The following SEMA6D variants were observed in gnomAD, a reference collection of about 807,000 sequenced individuals.
The protein encoded by SEMA6D is semaphorin 6D.
In SEMA6D, 35 loss-of-function variants were observed where a neutral mutation model predicts 106.6. The ratio of observed to expected loss-of-function variants is 0.33; its 90% CI spans 0.25 to 0.44. The LOEUF is 0.44. Among genes scored for constraint, SEMA6D ranks in the 20% least tolerant of loss-of-function variants. The pLI, the probability that SEMA6D is intolerant of heterozygous loss-of-function variation, is 1.00. For missense variants in SEMA6D, 1,185 were observed against 1,345.9 expected, an observed-to-expected ratio of 0.88 and a Z score of 1.87; for synonymous variants, 499 against 487.7, an observed-to-expected ratio of 1.02 and a Z score of -0.31.
intron 4 of SEMA6D, among the ~76,000 whole-genome samples, chr15:47,619,222 C>A (rs1364808538): frequency 6.6e-6 from 1 of 152,224 alleles, no homozygotes; most frequent in Non-Finnish European, 1.5e-5. Flanking sequence ...TTCCTTTCCT[C>A]TCCTTTGGAG....
At chr15:47,463,627 C>A (rs1000819244) in intron 2 of SEMA6D, among the ~76,000 whole-genome samples, 2 of 152,142 alleles carry the variant, frequency 1.3e-5, no homozygotes, top group African/African-American at 4.8e-5. Context: ...AGGGAACACA[C>A]CTTAAAGTTG....
chr15:47,277,867 G>T (rs1477358475), intron 1 of SEMA6D, among the ~76,000 whole-genome samples: 5 of 149,314 alleles, frequency 3.3e-5, no homozygotes, highest in Non-Finnish European at 6.0e-5. Context: ...GAGGTGTTTG[G>T]TTTTTTGTTC....
At chr15:47,539,639 G>T (rs1309655143) in intron 3 of SEMA6D, among the ~76,000 whole-genome samples, 1 of 152,022 alleles carries the variant, frequency 6.6e-6, no homozygotes, top group East Asian at 1.9e-4. Flanking sequence ...TGGCCAGGAT[G>T]GTCTCGATCT....
chr15:47,450,609 G>A (rs1405738561), intron 2 of SEMA6D, among the ~76,000 whole-genome samples: 1 of 151,986 alleles, frequency 6.6e-6, no homozygotes, highest in Non-Finnish European at 1.5e-5. Context: ...TTTCTAGTGT[G>A]TGTGCTGGAT....
At chr15:47,192,842 T>C (rs757868045) in intron 1 of SEMA6D, among the ~76,000 whole-genome samples, 1 of 152,210 alleles carries the variant, frequency 6.6e-6, no homozygotes, top group Non-Finnish European at 1.5e-5. Context: ...GTCTACTGAA[T>C]AGAGACAATA....
chr15:47,638,484 G>A (rs1217025420), intron 4 of SEMA6D, among the ~76,000 whole-genome samples: 7 of 152,214 alleles, frequency 4.6e-5, no homozygotes, highest in East Asian at 3.9e-4. Context: ...CCTTAACAAC[G>A]TAACAAATGT....
chr15:47,476,586 T>C (rs2043006859), intron 3 of SEMA6D, among the ~76,000 whole-genome samples: 1 of 152,156 alleles, frequency 6.6e-6, no homozygotes, highest in Admixed American at 6.6e-5. Context: ...GCCTTCCTCA[T>C]GCTCTATCTC....
At chr15:47,392,911 G>A (rs1401358104) in intron 1 of SEMA6D, among the ~76,000 whole-genome samples, 4 of 152,142 alleles carry the variant, frequency 2.6e-5, no homozygotes, top group African/African-American at 9.7e-5. Flanking sequence ...TATGTCTCTA[G>A]AGAGAGACTC....
chr15:47,284,408 AGT>A (rs2035268407), intron 1 of SEMA6D, among the ~76,000 whole-genome samples: 2 of 152,150 alleles, frequency 1.3e-5, no homozygotes, highest in Non-Finnish European at 2.9e-5. Context: ...CACTAACATA[AGT>A]TTATTATGAT....
At chr15:47,350,341 G>T (rs2038270653) in intron 1 of SEMA6D, among the ~76,000 whole-genome samples, 2 of 152,158 alleles carry the variant, frequency 1.3e-5, no homozygotes, top group Non-Finnish European at 2.9e-5. Context: ...ATAAATGTTA[G>T]AAAGTTTAAT....
At chr15:47,671,584 G>A (rs2078138429) in intron 4 of SEMA6D, among the ~76,000 whole-genome samples, 1 of 152,086 alleles carries the variant, frequency 6.6e-6, no homozygotes, top group African/African-American at 2.4e-5. Flanking sequence ...AGCTTCAGTT[G>A]ATAAGGAATC....
intron 4 of SEMA6D, among the ~76,000 whole-genome samples, chr15:47,651,034 A>G (rs2077679563): frequency 6.6e-6 from 1 of 152,174 alleles, no homozygotes; most frequent in Non-Finnish European, 1.5e-5. Context: ...CATAATTTTC[A>G]GACAGAGCTT....
chr15:47,224,884 C>T (rs1347397242), intron 1 of SEMA6D, among the ~76,000 whole-genome samples: 2 of 151,848 alleles, frequency 1.3e-5, no homozygotes, highest in Non-Finnish European at 2.9e-5. Flanking sequence ...TGTTCCCTCT[C>T]CTTTCTTGCT....
At chr15:47,762,157 G>A in intron 7 of SEMA6D, 43 bp from the exon 8 acceptor site, 1 of 1,612,012 alleles carries the variant, frequency 6.2e-7, no homozygotes, top group Non-Finnish European at 8.5e-7. Context: ...CACACTGCAG[G>A]ATAATTATGG....
intron 1 of SEMA6D, among the ~76,000 whole-genome samples, chr15:47,210,582 T>C (rs1048785875): frequency 6.6e-6 from 1 of 151,694 alleles, no homozygotes; most frequent in South Asian, 2.1e-4. Context: ...CTGGCCAACA[T>C]AGTGAAACCC....
At chr15:47,252,063 C>T (rs1047634660) in intron 1 of SEMA6D, among the ~76,000 whole-genome samples, 5 of 149,160 alleles carry the variant, frequency 3.4e-5, no homozygotes, top group Non-Finnish European at 5.9e-5. Flanking sequence ...CTACAGGCGC[C>T]CGCTACCACG....
At chr15:47,686,541 T>C (rs1232467719) in intron 4 of SEMA6D, among the ~76,000 whole-genome samples, 1 of 152,202 alleles carries the variant, frequency 6.6e-6, no homozygotes, top group African/African-American at 2.4e-5. Flanking sequence ...ACATTATGGA[T>C]AAACAAAAGA....
chr15:47,656,893 C>T (rs951492463), intron 4 of SEMA6D, among the ~76,000 whole-genome samples: 6 of 152,154 alleles, frequency 3.9e-5, no homozygotes, highest in African/African-American at 1.4e-4. Context: ...AACCAGTATA[C>T]ACTCGGATAG....
At chr15:47,756,127 T>C (rs2081717695) in intron 1 of SEMA6D, among the ~76,000 whole-genome samples, 2 of 152,124 alleles carry the variant, frequency 1.3e-5, no homozygotes, top group African/African-American at 4.8e-5. Context: ...GCATCCTGGC[T>C]CTCTGACTGT....
Sources: allele counts gnomAD v4.1 joint callset (sites outside exome capture counted in the v4.1 genomes callset), GRCh38; gene constraint gnomAD v4.1.1; transcripts MANE v1.5; gene names NCBI Gene and HGNC (gene_info 2026-07-23, HGNC 2026-07-21).